The following TTC29 variants were observed in gnomAD, a reference collection of about 807,000 sequenced individuals.
TTC29 encodes tetratricopeptide repeat domain 29.
Under a neutral mutation model 58.1 loss-of-function variants are expected in TTC29, and 49 were observed. That is an observed-to-expected ratio of 0.84 (90% confidence interval 0.67 to 1.07). TTC29 has a LOEUF of 1.07. TTC29 is among the 50% of genes least tolerant of loss of function. TTC29 has a pLI of 0.00. For missense variants in TTC29, 582 were observed against 555.6 expected (o/e 1.05, Z -0.48); for synonymous variants, 209 against 196.8 (o/e 1.06, Z -0.52).
intron 8 of TTC29, among the ~76,000 whole-genome samples, chr4:146,840,672 C>T (rs771835017): frequency 3.3e-5 from 5 of 152,000 alleles, no homozygotes; most frequent in South Asian, 2.1e-4. Flanking sequence ...ATTTGGGCAA[C>T]GGGAAGACAA....
intron 4 of TTC29, among the ~76,000 whole-genome samples, chr4:146,910,729 G>A (rs948438608): frequency 1.3e-5 from 2 of 152,160 alleles, no homozygotes; most frequent in Admixed American, 1.3e-4. Flanking sequence ...CTATATGGCA[G>A]TCAGGTTGTT....
At chr4:146,843,569 T>G (rs1579810636) in intron 8 of TTC29, among the ~76,000 whole-genome samples, 1 of 152,152 alleles carries the variant, frequency 6.6e-6, no homozygotes, top group Non-Finnish European at 1.5e-5. Flanking sequence ...GTTTCTCTTC[T>G]GCCATGAGCT....
At chr4:146,712,451 C>T (rs1230731181) in intron 11 of TTC29, among the ~76,000 whole-genome samples, 10 of 152,164 alleles carry the variant, frequency 6.6e-5, no homozygotes, top group Middle Eastern at 3.4e-3. Context: ...CATGGTCTAC[C>T]TTGTAACTGA....
intron 4 of TTC29, among the ~76,000 whole-genome samples, chr4:146,914,029 C>A (rs1360083583): frequency 6.6e-6 from 1 of 152,112 alleles, no homozygotes; most frequent in Admixed American, 6.6e-5. Flanking sequence ...CCTATGCATA[C>A]AAATATGCTA....
At chr4:146,812,671 C>T (rs946951982) in intron 10 of TTC29, 15 of 152,136 alleles carry the variant, frequency 9.9e-5, no homozygotes, top group African/African-American at 3.1e-4. Context: ...TATAAACCTA[C>T]CAGTTTTTCT....
intron 11 of TTC29, among the ~76,000 whole-genome samples, chr4:146,738,474 T>C (rs1201117420): frequency 6.6e-6 from 1 of 152,106 alleles, no homozygotes; most frequent in Non-Finnish European, 1.5e-5. Flanking sequence ...CCATATAGTA[T>C]GATGGACTGG....
chr4:146,775,638 G>C (rs1403936634), intron 11 of TTC29, among the ~76,000 whole-genome samples: 1 of 151,752 alleles, frequency 6.6e-6, no homozygotes, highest in Non-Finnish European at 1.5e-5. Flanking sequence ...GCCCAATGGG[G>C]TTCTCTTTGT....
At chr4:146,872,693 A>G (rs549363265) in intron 7 of TTC29, among the ~76,000 whole-genome samples, 26 of 152,160 alleles carry the variant, frequency 1.7e-4, no homozygotes, top group Non-Finnish European at 3.4e-4. Context: ...GAGATACCAC[A>G]TTACACCTAC....
intron 4 of TTC29, among the ~76,000 whole-genome samples, chr4:146,912,865 T>C (rs1002749105): frequency 5.3e-5 from 8 of 151,770 alleles, no homozygotes; most frequent in Non-Finnish European, 1.0e-4. Context: ...GAGACAAAAA[T>C]ATGGGTTACT....
At chr4:146,731,587 A>G (rs1561069564) in intron 11 of TTC29, among the ~76,000 whole-genome samples, 1 of 152,192 alleles carries the variant, frequency 6.6e-6, no homozygotes, top group African/African-American at 2.4e-5. Flanking sequence ...AAGCTGCTAA[A>G]AAAAAGTAGT....
intron 11 of TTC29, among the ~76,000 whole-genome samples, chr4:146,711,157 G>C (rs1220711294): frequency 6.6e-6 from 1 of 152,044 alleles, no homozygotes; most frequent in East Asian, 1.9e-4. Context: ...TTATAGACTA[G>C]ACCCCTGGTA....
At chr4:146,859,103 G>A (rs1404607115) in intron 8 of TTC29, among the ~76,000 whole-genome samples, 1 of 152,160 alleles carries the variant, frequency 6.6e-6, no homozygotes, top group African/African-American at 2.4e-5. Context: ...TCATCTACAT[G>A]CAGCCAGGAG....
At chr4:146,741,701 C>A (rs566466768) in intron 11 of TTC29, among the ~76,000 whole-genome samples, 1 of 152,264 alleles carries the variant, frequency 6.6e-6, no homozygotes, top group South Asian at 2.1e-4. Context: ...CTAACATGTT[C>A]TAGCTGCCTG....
At chr4:146,911,188 G>A (rs1037731535) in intron 4 of TTC29, among the ~76,000 whole-genome samples, 1 of 152,188 alleles carries the variant, frequency 6.6e-6, no homozygotes, top group Admixed American at 6.6e-5. Context: ...AACCAACCCT[G>A]TAATTGCCCA....
At chr4:146,874,691 T>A in intron 7 of TTC29, 25 bp downstream of exon 7, 1 of 1,545,768 alleles carries the variant, frequency 6.5e-7, no homozygotes, top group Non-Finnish European at 8.8e-7. Context: ...AAGAAAGCAA[T>A]GTGAGAGAGT....
chr4:146,813,049 G>T (rs916103844), intron 10 of TTC29: 1 of 152,122 alleles, frequency 6.6e-6, no homozygotes, highest in Non-Finnish European at 1.5e-5. Flanking sequence ...TCCAGGACAG[G>T]ATCTTGATGA....
rs1378572541 is a variant in TTC29 at position 146,859,572 on chromosome 4, C to T, written c.885+7926G>A. Among the ~76,000 whole-genome samples, 5 of 152,010 alleles carry T rather than the reference C, an allele frequency of 3.3e-5. No individual in the cohort carries two copies. In the East Asian group the frequency reaches 5.8e-4, roughly 18 times the overall value. ...GCGTTATCCCTACTGGGTTCTATTA[C>T]GCACATAACAGTTATAATTTTTCAG... is the stretch of plus-strand genomic sequence containing the variant. On this transcript the variant is annotated intron_variant, in intron 8 of 12. Transcript: ENST00000325106.
At chr4:146,772,100 T>C (rs1164518152) in intron 11 of TTC29, among the ~76,000 whole-genome samples, 1 of 152,136 alleles carries the variant, frequency 6.6e-6, no homozygotes, top group Non-Finnish European at 1.5e-5. Flanking sequence ...TGGGGTTGTT[T>C]GTTTTCTGCT....
intron 11 of TTC29, among the ~76,000 whole-genome samples, chr4:146,761,218 A>G (rs1463524511): frequency 3.3e-5 from 5 of 152,022 alleles, no homozygotes; most frequent in African/African-American, 1.2e-4. Flanking sequence ...CTGAACCCCA[A>G]TAATAACTAA....
Sources: gnomAD v4.1 joint callset for allele counts (sites outside exome capture counted in the v4.1 genomes callset) on GRCh38, gnomAD v4.1.1 for gene constraint, MANE v1.5 for transcripts, NCBI Gene and HGNC (gene_info 2026-07-23, HGNC 2026-07-21) for gene names.